NAA60: variants seen among roughly 807,000 people sequenced by gnomAD.
The protein encoded by NAA60 is N-alpha-acetyltransferase 60.
A neutral mutation model predicts 26.1 loss-of-function variants in NAA60; 8 were observed. The ratio of observed to expected loss-of-function variants is 0.31; its 90% CI spans 0.18 to 0.55. NAA60 has a LOEUF of 0.55. Ranked by LOEUF, NAA60 falls within the 20% of genes least tolerant of loss-of-function variation. NAA60 has a pLI of 0.93. For synonymous variants in NAA60, 131 were observed against 122.5 expected (o/e 1.07, Z -0.46); for missense variants, 290 against 311.3 (o/e 0.93, Z 0.51).
intron 2 of NAA60, among the ~76,000 whole-genome samples, chr16:3,456,024 G>C (rs2034977181): frequency 6.6e-6 from 1 of 151,362 alleles, no homozygotes; most frequent in Non-Finnish European, 1.5e-5. Context: ...AGTAAAGTTT[G>C]AAGGGATGTA....
Position 3,485,771 on chromosome 16 carries a change from C to G in NAA60, c.*511C>G, listed in dbSNP as rs1463879529. 1 of 431,070 alleles carries G rather than the reference C, an allele frequency of 2.3e-6. No individual in the cohort carries two copies. Among genetic ancestry groups the G allele is most frequent in the Admixed American group, 2.5e-5 (1 of 39,946 alleles). 26.7% of individuals were successfully genotyped at this position (431,070 alleles called of 1,614,324 possible). A position where few individuals can be genotyped will look rare whatever the true frequency, so the allele number is the denominator to read the frequency against. On this transcript the variant is annotated 3_prime_UTR_variant, in exon 8 of 8. Transcript: ENST00000407558. The stretch of plus-strand genomic sequence containing the variant: ...GGCCCGTCCCCTTCCAGAACCAGCC[C>G]AAAGAAGCCTGGGGGGTGAGGAGTG...
At position 3,479,475 on chromosome 16, in the gene NAA60, C is replaced by G; in HGVS notation, c.115C>G (p.Pro39Ala). 1 of 1,613,826 alleles carries G rather than the reference C, an allele frequency of 6.2e-7. No individual in the cohort carries two copies. Among genetic ancestry groups the G allele is most frequent in the South Asian group, 1.1e-5 (1 of 91,040 alleles). ...LCGDWFPIEY[P>A]DSWYRDITSN... ...TGAGTATGTTCTGTTTCTCAGGTAC[C>G]CAGACTCATGGTATCGTGATATCAC... Residue 39 changes from proline to alanine, a missense_variant, in exon 4 of 8, where the codon CCA becomes GCA. By Grantham distance (27) the Pro-to-Ala change is conservative. Coordinates refer to ENST00000407558, the MANE Select transcript of NAA60 (RefSeq NM_001083601.3).
chr16:3,479,765 G>A (rs1216762810), intron 4 of NAA60, among the ~76,000 whole-genome samples, 165 bp downstream of exon 4: 1 of 150,778 alleles, frequency 6.6e-6, no homozygotes, highest in Non-Finnish European at 1.5e-5. Flanking sequence ...GTGCTTTTCT[G>A]TGTGTGTGTG....
At chr16:3,449,596 A>T (rs2034692647) in intron 2 of NAA60, among the ~76,000 whole-genome samples, 1 of 152,098 alleles carries the variant, frequency 6.6e-6, no homozygotes. Context: ...AAGGAAGAAG[A>T]ATTGCTTGAA....
At chr16:3,479,018 A>G (rs541143489) in intron 3 of NAA60, among the ~76,000 whole-genome samples, 42 of 152,164 alleles carry the variant, frequency 2.8e-4, no homozygotes, top group Admixed American at 2.4e-3. Context: ...GGCAGATCAC[A>G]TGAGGTCAGG....
At chr16:3,478,207 G>A (rs1394366375) in intron 3 of NAA60, among the ~76,000 whole-genome samples, 1 of 152,194 alleles carries the variant, frequency 6.6e-6, no homozygotes, top group Non-Finnish European at 1.5e-5. Context: ...CTGAACTCCA[G>A]TCTGGGTGAC....
chr16:3,452,977 C>T (rs1399130687), intron 2 of NAA60, among the ~76,000 whole-genome samples: 1 of 151,806 alleles, frequency 6.6e-6, no homozygotes, highest in Non-Finnish European at 1.5e-5. Flanking sequence ...AAAGACTAAT[C>T]CCCTATGTTG....
intron 2 of NAA60, among the ~76,000 whole-genome samples, chr16:3,453,875 C>T (rs905620174): frequency 2.6e-5 from 4 of 152,122 alleles, no homozygotes; most frequent in African/African-American, 9.7e-5. Flanking sequence ...CCCACCCCAA[C>T]CCCATCCATC....
At position 3,457,102 on chromosome 16, in the gene NAA60, T is replaced by A. The variant is rs572182484; in HGVS notation, c.-7+8562T>A. On this transcript the variant is annotated intron_variant, in intron 2 of 7. Transcript: ENST00000407558. ...CCACCACACCCAGCCAAGACTCGAA[T>A]CTTATAACCAGTTCTCTTCAAATTG... is the stretch of plus-strand genomic sequence containing the variant. Among the ~76,000 whole-genome samples, 96 of 152,198 alleles carry A rather than the reference T, an allele frequency of 6.3e-4. 1 individual carries two copies. Among genetic ancestry groups the A allele is most frequent in the Non-Finnish European group, 7.4e-5 (5 of 68,004 alleles).
chr16:3,475,355 G>T lies in NAA60; in HGVS notation c.-6-867G>T, dbSNP rs528101813. On this transcript the variant is annotated intron_variant, in intron 2 of 7. Coordinates refer to ENST00000407558, the MANE Select transcript of NAA60 (RefSeq NM_001083601.3). ...TCCACCCACCTTGGCCTCGCAAAGT[G>T]CTGGGATTACAGGCGTGAGCCATCA... Among the ~76,000 whole-genome samples, 3 of 152,122 alleles carry T rather than the reference G, an allele frequency of 2.0e-5. No individual in the cohort carries two copies. The South Asian group carries it at 6.2e-4, about 31-fold the overall frequency.
At position 3,455,391 on chromosome 16, in the gene NAA60, T is replaced by G. The variant is rs563923463; in HGVS notation, c.-7+6851T>G. On this transcript the variant is annotated intron_variant, in intron 2 of 7. Transcript: ENST00000407558. ...TAGCCAAAAAAGAGTTTTTAGTTTT[T>G]TTTTTTTTTTTTTTTTTGAGACGGA... is the stretch of plus-strand genomic sequence containing the variant. 4.2e-4 allele frequency among the ~76,000 whole-genome samples: 60 copies of G among 141,914 alleles called. No homozygotes were observed. The East Asian group carries it at 7.2e-3, about 17-fold the overall frequency. 93.1% of individuals were successfully genotyped at this position (141,914 alleles called of 152,430 possible). A position where few individuals can be genotyped will look rare whatever the true frequency, so the allele number is the denominator to read the frequency against.
intron 2 of NAA60, chr16:3,458,144 C>T (rs2035105621): frequency 2.0e-6 from 2 of 985,072 alleles, no homozygotes; most frequent in African/African-American, 1.7e-5. Context: ...TGCGCTGAGC[C>T]CTACAACACC....
At chr16:3,472,422 T>C (rs2036210732) in intron 2 of NAA60, 1 of 152,198 alleles carries the variant, frequency 6.6e-6, no homozygotes, top group African/African-American at 2.4e-5. Context: ...TTTGTTTGTT[T>C]TGTTTATTTT....
At position 3,457,920 on chromosome 16, in the gene NAA60, C is replaced by G. The variant is rs921921212; in HGVS notation, c.-7+9380C>G. ...CGCACGGAGCCTGCCCGCTCCCAACCTGCCCGCTCCCAACATGGCGGCAGC... is the reference window on the plus strand; with the variant it reads ...CGCACGGAGCCTGCCCGCTCCCAACGTGCCCGCTCCCAACATGGCGGCAGC... On this transcript the variant is annotated intron_variant, in intron 2 of 7. Transcript: ENST00000407558. 2.7e-5 allele frequency: 21 copies of G among 786,088 alleles called. No homozygotes were observed. In the African/African-American group the frequency reaches 6.2e-4, roughly 23 times the overall value. The allele number at this position is 786,088 out of a possible 1,614,324, so 48.7% of individuals were successfully genotyped here.
At chr16:3,473,907 A>G (rs1413628149) in intron 2 of NAA60, among the ~76,000 whole-genome samples, 2 of 151,582 alleles carry the variant, frequency 1.3e-5, no homozygotes, top group African/African-American at 2.4e-5. Flanking sequence ...GCTAATTTTT[A>G]TATTTTTGTA....
At chr16:3,443,901 A>G in intron 1 of NAA60, 64 bp downstream of exon 1, 3 of 1,483,072 alleles carry the variant, frequency 2.0e-6, no homozygotes, top group Non-Finnish European at 2.7e-6. Context: ...AAGGTGATTG[A>G]GAGGGCGGGG....
chr16:3,482,125 A>G (rs1297358099), intron 4 of NAA60, among the ~76,000 whole-genome samples: 1 of 152,174 alleles, frequency 6.6e-6, no homozygotes, highest in African/African-American at 2.4e-5. Context: ...TCCTGCATCC[A>G]GGCCTACCAG....
intron 2 of NAA60, among the ~76,000 whole-genome samples, chr16:3,455,422 G>C (rs1478678261): frequency 8.5e-6 from 1 of 117,562 alleles, no homozygotes; most frequent in Non-Finnish European, 1.7e-5. Flanking sequence ...ACGGAGTCTC[G>C]CTCTGTCTGT....
Position 3,486,728 on chromosome 16 carries a change from C to T in NAA60, c.*1468C>T, listed in dbSNP as rs1337440327. The T allele has an allele frequency of 6.6e-6, 1 of 152,432 alleles. No individual in the cohort carries two copies. The highest frequency in any genetic ancestry group is 2.4e-5 in the African/African-American group (1 of 41,462). 9.4% of individuals were successfully genotyped at this position (152,432 alleles called of 1,614,324 possible). On this transcript the variant is annotated 3_prime_UTR_variant, in exon 8 of 8. Transcript: ENST00000407558. ...GGCTGCCTGCCTGCCGGGCCCAGCT[C>T]AGCGCCCTCTCCACTGCGAATCAGT...
Sources: allele counts gnomAD v4.1 joint callset (sites outside exome capture counted in the v4.1 genomes callset), GRCh38; gene constraint gnomAD v4.1.1; transcripts MANE v1.5; gene names NCBI Gene and HGNC (gene_info 2026-07-23, HGNC 2026-07-21).